The following RGS6 variants were observed in gnomAD, a reference collection of about 807,000 sequenced individuals.
The protein encoded by RGS6 is regulator of G-protein signaling 6.
A neutral mutation model predicts 78.5 loss-of-function variants in RGS6; 30 were observed. The observed-to-expected ratio is 0.38, with a 90% confidence interval of 0.29 to 0.52. The LOEUF is 0.52. Among genes scored for constraint, RGS6 ranks in the 20% least tolerant of loss-of-function variants. RGS6 has a pLI of 0.85. For synonymous variants in RGS6, 206 were observed against 206.0 expected (o/e 1.00, Z 0.00); for missense variants, 495 against 609.7 (o/e 0.81, Z 1.98).
chr14:72,541,675 G>A (rs1032908391), intron 17 of RGS6: 129 of 1,510,674 alleles, frequency 8.5e-5, no homozygotes, highest in Non-Finnish European at 6.7e-5. Context: ...GCTACTGTGC[G>A]GGTGGAGGAT....
intron 6 of RGS6, among the ~76,000 whole-genome samples, chr14:72,460,025 C>T (rs894574131): frequency 6.6e-6 from 1 of 152,172 alleles, no homozygotes; most frequent in Non-Finnish European, 1.5e-5. Flanking sequence ...AGGGATAGGG[C>T]TTCAGGGAGG....
chr14:72,341,324 A>T (rs552413790), intron 2 of RGS6, among the ~76,000 whole-genome samples: 66 of 152,316 alleles, frequency 4.3e-4, no homozygotes, highest in South Asian at 2.7e-3. Context: ...CTTTCATGAG[A>T]ACAGCAAAGG....
At chr14:72,291,376 T>A (rs571786696) in intron 2 of RGS6, among the ~76,000 whole-genome samples, 4 of 152,240 alleles carry the variant, frequency 2.6e-5, no homozygotes, top group South Asian at 4.2e-4. Context: ...TCCACCTCCT[T>A]CACTCTCCAG....
At chr14:72,517,301 A>G (rs1402103953) in intron 14 of RGS6, among the ~76,000 whole-genome samples, 3 of 152,204 alleles carry the variant, frequency 2.0e-5, no homozygotes, top group African/African-American at 7.2e-5. Flanking sequence ...GAACCAGCAC[A>G]GGACCTACTC....
At chr14:72,259,911 A>AAAAAAAAAAAAAAAAAAAAAC (rs2057825221) in intron 2 of RGS6, among the ~76,000 whole-genome samples, 1 of 12,974 alleles carries the variant, frequency 7.7e-5, no homozygotes, top group Non-Finnish European at 5.4e-4. Flanking sequence ...ACTCCGTCTC[A>AAAAAAAAAAAAAAAAAAAAAC]AAAAAAAAAA....
intron 2 of RGS6, among the ~76,000 whole-genome samples, chr14:72,150,224 A>T (rs530130249): frequency 1.2e-4 from 18 of 152,260 alleles, no homozygotes; most frequent in Non-Finnish European, 1.9e-4. Context: ...CCATGGGGAG[A>T]TGCAGAAGCT....
At chr14:72,053,213 A>T (rs8021501) in intron 2 of RGS6, among the ~76,000 whole-genome samples, 3 of 146,824 alleles carry the variant, frequency 2.0e-5, no homozygotes, top group Non-Finnish European at 4.5e-5. Flanking sequence ...TCCACCTCCC[A>T]GGTTCGAGCG....
intron 2 of RGS6, among the ~76,000 whole-genome samples, chr14:72,025,054 G>A (rs1272887066): frequency 6.6e-6 from 1 of 152,198 alleles, no homozygotes; most frequent in Non-Finnish European, 1.5e-5. Flanking sequence ...GAGGCTGAGT[G>A]AGACTATACG....
chr14:72,013,634 C>A (rs1483818623), intron 2 of RGS6, among the ~76,000 whole-genome samples: 1 of 152,172 alleles, frequency 6.6e-6, no homozygotes, highest in African/African-American at 2.4e-5. Flanking sequence ...ACAGATCCAG[C>A]TCTTGGGCCG....
At chr14:72,349,582 T>C (rs2078734070) in intron 2 of RGS6, among the ~76,000 whole-genome samples, 2 of 152,082 alleles carry the variant, frequency 1.3e-5, no homozygotes, top group African/African-American at 4.8e-5. Context: ...GTTGCTGGAG[T>C]GTAGTCTTCT....
intron 2 of RGS6, among the ~76,000 whole-genome samples, chr14:71,975,542 G>T (rs1386872543): frequency 4.0e-5 from 6 of 151,598 alleles, no homozygotes; most frequent in Non-Finnish European, 8.8e-5. Context: ...CACTGCAGCT[G>T]CCACCTCCTG....
At chr14:72,622,134 A>G in the RGS6 span, among the ~76,000 whole-genome samples, 1 of 152,216 alleles carries the variant, frequency 6.6e-6, no homozygotes, top group African/African-American at 2.4e-5. Context: ...TGATACACAC[A>G]ATTTTGTACA....
At chr14:72,200,402 G>A (rs2041224451) in intron 2 of RGS6, among the ~76,000 whole-genome samples, 1 of 152,196 alleles carries the variant, frequency 6.6e-6, no homozygotes, top group African/African-American at 2.4e-5. Flanking sequence ...CATCAGTGAA[G>A]GCTCTGATAT....
chr14:72,145,283 G>A (rs565649016), intron 2 of RGS6, among the ~76,000 whole-genome samples: 1 of 152,270 alleles, frequency 6.6e-6, no homozygotes, highest in African/African-American at 2.4e-5. Flanking sequence ...AAGGCAGACT[G>A]GTCCCTAGGC....
intron 1 of RGS6, among the ~76,000 whole-genome samples, chr14:71,947,016 A>G (rs1323867194): frequency 6.6e-6 from 1 of 152,192 alleles, no homozygotes; most frequent in Non-Finnish European, 1.5e-5. Flanking sequence ...AGTGTGCCAC[A>G]GTGAATTTCC....
At chr14:71,892,949 G>A in the RGS6 span, among the ~76,000 whole-genome samples, 3 of 152,232 alleles carry the variant, frequency 2.0e-5, no homozygotes, top group South Asian at 6.2e-4. Flanking sequence ...GATGGCCCAA[G>A]CCAGCTTCAT....
chr14:72,035,302 A>G (rs2091523801), intron 2 of RGS6, among the ~76,000 whole-genome samples: 1 of 48,174 alleles, frequency 2.1e-5, no homozygotes, highest in African/African-American at 6.6e-5. Context: ...ATAGCAATAT[A>G]TTATAATCCT....
chr14:71,926,565 C>T, the RGS6 span, among the ~76,000 whole-genome samples: 1 of 125,008 alleles, frequency 8.0e-6, no homozygotes, highest in Non-Finnish European at 1.6e-5. Flanking sequence ...GGCTGGGTGA[C>T]AGAGTGAGAC....
intron 16 of RGS6, 152 bp downstream of exon 16, chr14:72,536,427 C>T: frequency 1.6e-6 from 1 of 639,492 alleles, no homozygotes; most frequent in East Asian, 3.1e-5. Flanking sequence ...TAATGGAAAA[C>T]AGTTAGGATT....
Sources: allele counts gnomAD v4.1 joint callset (sites outside exome capture counted in the v4.1 genomes callset), GRCh38; gene constraint gnomAD v4.1.1; transcripts MANE v1.5; gene names NCBI Gene and HGNC (gene_info 2026-07-23, HGNC 2026-07-21).